HPSE2: variants seen among roughly 807,000 people sequenced by gnomAD.
The protein encoded by HPSE2 is heparanase 2 (inactive), also known as inactive heparanase-2.
HPSE2 carries 38 observed loss-of-function variants against 60.5 expected under a neutral mutation model. That is an observed-to-expected ratio of 0.63 (90% CI 0.48 to 0.82). The LOEUF is 0.82. Ranked by LOEUF, HPSE2 falls within the 40% of genes least tolerant of loss-of-function variation. The pLI is 0.00. For synonymous variants in HPSE2, 295 were observed against 293.2 expected (o/e 1.01, Z -0.06); for missense variants, 713 against 740.4 (o/e 0.96, Z 0.43).
At chr10:98,723,564 G>T (rs191873692) in intron 4 of HPSE2, among the ~76,000 whole-genome samples, 92 of 152,276 alleles carry the variant, frequency 6.0e-4, no homozygotes, top group Middle Eastern at 3.4e-3. Context: ...TGTACTGCTG[G>T]TAGAATTTGG....
At position 98,693,896 on chromosome 10, in the gene HPSE2, C is replaced by G; in HGVS notation, c.1004+4G>C. 1 of 1,609,808 alleles carries G rather than the reference C, an allele frequency of 6.2e-7. No individual in the cohort carries two copies. Among genetic ancestry groups the G allele is most frequent in the South Asian group, 1.1e-5 (1 of 90,988 alleles). ...AAGTAAGAGCAAAAATGGTGAATAC[C>G]TACTGTTGCCAGGTAACTGCATCTA... On this transcript the variant is annotated splice_donor_region_variant and intron_variant, in intron 6 of 11. Transcript: ENST00000370552.
At chr10:98,687,846 G>A (rs1176589236) in intron 6 of HPSE2, among the ~76,000 whole-genome samples, 1 of 151,994 alleles carries the variant, frequency 6.6e-6, no homozygotes, top group Non-Finnish European at 1.5e-5. Context: ...TATATTTAAA[G>A]TGTGTCTCTT....
At chr10:98,606,824 C>G (rs1386995090) in intron 9 of HPSE2, among the ~76,000 whole-genome samples, 1 of 151,834 alleles carries the variant, frequency 6.6e-6, no homozygotes, top group African/African-American at 2.4e-5. Flanking sequence ...AGCACAAAAC[C>G]ATAATTGAGT....
chr10:98,474,470 G>A (rs1354054906), intron 11 of HPSE2, among the ~76,000 whole-genome samples: 1 of 152,162 alleles, frequency 6.6e-6, no homozygotes, highest in Non-Finnish European at 1.5e-5. Flanking sequence ...CTTAGCACCT[G>A]GGAGTTACTT....
rs1342993676 is a variant in HPSE2, at chr10:98,939,991, A to C, written c.611-195935T>G. On this transcript the variant is annotated intron_variant, in intron 3 of 11. Coordinates refer to ENST00000370552, the MANE Select transcript of HPSE2 (RefSeq NM_021828.5). The stretch of plus-strand genomic sequence containing the variant: ...CTGCTCCTGAATGACTACTGGGTAC[A>C]CAACGAAATGAAGGCAGAAATAAAG... Among the ~76,000 whole-genome samples, 2 of 144,062 alleles carry C rather than the reference A, an allele frequency of 1.4e-5. 1 individual carries two copies. The highest frequency in any genetic ancestry group is 3.0e-5 in the Non-Finnish European group (2 of 67,216). The allele number at this position is 144,062 out of a possible 152,430, so 94.5% of individuals were successfully genotyped here. A position where few individuals can be genotyped will look rare whatever the true frequency, so the allele number is the denominator to read the frequency against.
rs1026732856 is a variant in HPSE2 at position 99,126,080 on chromosome 10, C to G, written c.610+18158G>C. 4.6e-5 allele frequency among the ~76,000 whole-genome samples: 7 copies of G among 152,266 alleles called. No homozygotes were observed. Among genetic ancestry groups the G allele is most frequent in the African/African-American group, 1.7e-4 (7 of 41,546 alleles). On this transcript the variant is annotated intron_variant, in intron 3 of 11. Transcript: ENST00000370552. The surrounding 1 kb of genome is among the most constrained non-coding windows in gnomAD (Gnocchi z 4.0). ...GGCCTGAAATCTGTGCTTGCTTTCT[C>G]AGCAGGGAAGCTTACGACCTGGTGC...
At chr10:99,293,262 G>A in the HPSE2 span, among the ~76,000 whole-genome samples, 1 of 152,134 alleles carries the variant, frequency 6.6e-6, no homozygotes, top group Admixed American at 6.5e-5. Context: ...GATTCAAAAA[G>A]TAGTGCCTGA....
intron 3 of HPSE2, among the ~76,000 whole-genome samples, chr10:98,888,797 A>C (rs1301531840): frequency 6.6e-6 from 1 of 152,234 alleles, no homozygotes; most frequent in Non-Finnish European, 1.5e-5. Context: ...TTCAACAAAA[A>C]ACAAGGAATC....
intron 2 of HPSE2, among the ~76,000 whole-genome samples, chr10:99,192,005 GA>G (rs1848237960): frequency 6.6e-6 from 1 of 152,134 alleles, no homozygotes; most frequent in South Asian, 2.1e-4. Flanking sequence ...GAATTAATCA[GA>G]AGAAATAATT....
At chr10:98,911,688 T>C in intron 3 of HPSE2, among the ~76,000 whole-genome samples, 1 of 152,136 alleles carries the variant, frequency 6.6e-6, no homozygotes, top group East Asian at 1.9e-4. Context: ...GACTTCATTG[T>C]TTAGGCATTG....
intron 3 of HPSE2, among the ~76,000 whole-genome samples, chr10:99,068,816 A>T (rs978850812): frequency 1.3e-5 from 2 of 152,196 alleles, no homozygotes; most frequent in Admixed American, 6.5e-5. Flanking sequence ...GAAATTTTTT[A>T]AAATGTAAAT....
chr10:98,813,498 C>CCAA (rs1951214635), intron 3 of HPSE2, among the ~76,000 whole-genome samples: 1 of 152,120 alleles, frequency 6.6e-6, no homozygotes, highest in South Asian at 2.1e-4. Flanking sequence ...AAATCACTGC[C>CCAA]TTCTCCATCT....
Position 99,017,327 on chromosome 10 carries a change from T to C in HPSE2, c.610+126911A>G, listed in dbSNP as rs564619654. 3.3e-5 allele frequency among the ~76,000 whole-genome samples: 5 copies of C among 152,342 alleles called. No individual in the cohort carries two copies. In the South Asian group the frequency reaches 1.0e-3, roughly 32 times the overall value. ...GTTCTGTTTATGTGGTGAGTCATGT[T>C]TATTGATTTGTGTATGTTGCACCAA... On this transcript the variant is annotated intron_variant, in intron 3 of 11. Transcript: ENST00000370552.
chr10:98,570,171 C>T (rs973996275), intron 9 of HPSE2, among the ~76,000 whole-genome samples: 1 of 152,196 alleles, frequency 6.6e-6, no homozygotes, highest in Non-Finnish European at 1.5e-5. Flanking sequence ...TCACCTCTTT[C>T]CAAGGCCAGC....
intron 9 of HPSE2, among the ~76,000 whole-genome samples, chr10:98,565,937 G>C (rs562311676): frequency 1.3e-5 from 2 of 152,024 alleles, no homozygotes; most frequent in African/African-American, 4.8e-5. Flanking sequence ...ATCAGCCAAG[G>C]CTCTACAGCC....
At chr10:98,573,006 G>A (rs895752858) in intron 9 of HPSE2, among the ~76,000 whole-genome samples, 2 of 152,154 alleles carry the variant, frequency 1.3e-5, no homozygotes, top group African/African-American at 4.8e-5. Flanking sequence ...CAATATTCAA[G>A]ACTAAAATAC....
chr10:98,629,351 TG>T (rs1946299839), intron 7 of HPSE2, among the ~76,000 whole-genome samples: 1 of 152,222 alleles, frequency 6.6e-6, no homozygotes, highest in Non-Finnish European at 1.5e-5. Flanking sequence ...TACAAAGAGC[TG>T]AATAGCTACA....
intron 3 of HPSE2, among the ~76,000 whole-genome samples, chr10:98,874,456 ATTT>A (rs1316480113): frequency 1.1e-4 from 17 of 151,854 alleles, no homozygotes; most frequent in African/African-American, 4.1e-4. Flanking sequence ...TTGCACATTG[ATTT>A]TGTATCCTGA....
chr10:98,833,496 A>C (rs1297252011), intron 3 of HPSE2, among the ~76,000 whole-genome samples: 1 of 152,218 alleles, frequency 6.6e-6, no homozygotes, highest in East Asian at 1.9e-4. Flanking sequence ...ATTAATAGGT[A>C]ACATTCATTG....
Sources: allele counts gnomAD v4.1 joint callset (sites outside exome capture counted in the v4.1 genomes callset), GRCh38; gene constraint gnomAD v4.1.1; non-coding constraint Gnocchi (gnomAD v3.1); transcripts MANE v1.5; gene names NCBI Gene and HGNC (gene_info 2026-07-23, HGNC 2026-07-21).